Variants in KNTC1 observed in about 807,000 individuals in gnomAD.
KNTC1 encodes the protein kinetochore-associated protein 1.
In KNTC1, 253 loss-of-function variants were observed where a neutral mutation model predicts 314.4. The ratio of observed to expected loss-of-function variants is 0.80; its 90% CI spans 0.73 to 0.89. The LOEUF (loss-of-function observed/expected upper bound fraction) is 0.89. Among genes scored for constraint, KNTC1 ranks in the 40% least tolerant of loss-of-function variants. KNTC1 has a pLI of 0.00. For synonymous variants in KNTC1, 901 were observed against 901.4 expected, an observed-to-expected ratio of 1.00 and a Z score of 0.01; for missense variants, 2,475 against 2,572.9, an observed-to-expected ratio of 0.96 and a Z score of 0.82.
chr12:122,576,273 C>T (rs1965014197), intron 29 of KNTC1, among the ~76,000 whole-genome samples: 1 of 152,068 alleles, frequency 6.6e-6, no homozygotes, highest in Admixed American at 6.5e-5. Context: ...CCATGTTGGT[C>T]AGGCTGGTTG....
chr12:122,605,201 A>G (rs1872450644), intron 50 of KNTC1, 105 bp from the exon 51 acceptor site: 1 of 1,051,156 alleles, frequency 9.5e-7, no homozygotes, highest in East Asian at 2.6e-5. Context: ...ATATATGTAT[A>G]TACTTATATG....
chr12:122,547,976 G>A lies in KNTC1; in HGVS notation c.987+7G>A. On this transcript the variant is annotated splice_region_variant and intron_variant, in intron 12 of 63. Transcript: ENST00000333479. ...AGCTTCAGCTAATAAGAAGGTATTG[G>A]AAAATTTTATTTTGTGCTTGCCTAT... 6.5e-7 allele frequency: 1 copy of A among 1,529,556 alleles called. No individual in the cohort carries two copies. The highest frequency in any genetic ancestry group is 8.8e-7 in the Non-Finnish European group (1 of 1,138,086). The allele number at this position is 1,529,556 out of a possible 1,614,324, so 94.7% of individuals were successfully genotyped here.
At chr12:122,582,282 G>T (rs1868520972) in intron 33 of KNTC1, among the ~76,000 whole-genome samples, 1 of 152,148 alleles carries the variant, frequency 6.6e-6, no homozygotes, top group Non-Finnish European at 1.5e-5. Flanking sequence ...GCTGGGCGTG[G>T]TGATGCGTGC....
In KNTC1 at chr12:122,573,165, C is replaced by G; in HGVS notation, c.2163C>G (p.Phe721Leu). 4 of 1,613,788 alleles carry G rather than the reference C, an allele frequency of 2.5e-6. No individual in the cohort carries two copies. The highest frequency in any genetic ancestry group is 3.4e-6 in the Non-Finnish European group (4 of 1,179,846). Residue 721 changes from phenylalanine (F) to leucine (L), a missense_variant, in exon 26 of 64, where the codon TTC (phenylalanine) becomes TTG (leucine). Coordinates refer to ENST00000333479, the MANE Select transcript of KNTC1 (RefSeq NM_014708.6). Reference sequence around the variant, plus strand: ...AGGAAAATACAACCACCATAGTGTTCCGAATGTTTGATAAAGTGCTGGCCC... The same window carrying G: ...AGGAAAATACAACCACCATAGTGTTGCGAATGTTTGATAAAGTGCTGGCCC... ...FEKENTTTIV[F>L]RMFDKVLAPE...
intron 61 of KNTC1, 148 bp from the exon 62 acceptor site, chr12:122,622,314 C>T (rs772811861): frequency 1.9e-5 from 13 of 687,416 alleles, no homozygotes; most frequent in Non-Finnish European, 3.2e-5. Flanking sequence ...AAAAAGGAGG[C>T]GCAGTCACAA....
At chr12:122,550,344 C>T (rs1258275989) in intron 13 of KNTC1, among the ~76,000 whole-genome samples, 2 of 151,892 alleles carry the variant, frequency 1.3e-5, no homozygotes, top group Non-Finnish European at 2.9e-5. Context: ...TTCTACAATG[C>T]AATTATCATA....
intron 5 of KNTC1, 45 bp downstream of exon 5, chr12:122,539,799 T>C: frequency 7.8e-7 from 1 of 1,276,500 alleles, no homozygotes; most frequent in South Asian, 1.4e-5. Context: ...TTTTTTTTTT[T>C]TTAATGGAGT....
chr12:122,605,192 T>C, intron 50 of KNTC1, 105 bp downstream of exon 50: 1 of 1,046,334 alleles, frequency 9.6e-7, no homozygotes, highest in Non-Finnish European at 1.4e-6. Flanking sequence ...CATATGCTTA[T>C]ATATGTATAT....
intron 21 of KNTC1, 77 bp downstream of exon 21, chr12:122,568,449 C>T (rs905846951): frequency 1.2e-6 from 1 of 821,690 alleles, no homozygotes. Flanking sequence ...TGGAGACTAA[C>T]AAGGTGCAAG....
At chr12:122,557,836 A>C (rs1411769271) in intron 18 of KNTC1, 147 bp downstream of exon 18, 3 of 617,170 alleles carry the variant, frequency 4.9e-6, no homozygotes, top group Non-Finnish European at 8.5e-6. Context: ...TAATGGAGAT[A>C]ATTCACATCC....
In KNTC1 at chr12:122,546,241, G is replaced by A; in HGVS notation, c.735G>A (p.Lys245=). ...PDSSKKGMTV[K]NLIDAEIIKG... is the part of the protein sequence containing the mutation. Reference sequence around the variant, plus strand: ...CTTCCAAGAAAGGAATGACAGTTAAGAACCTTATTGATGCAGAGATTATTA... The same window carrying A: ...CTTCCAAGAAAGGAATGACAGTTAAAAACCTTATTGATGCAGAGATTATTA... The change falls in exon 9 of 64, where the codon AAG becomes AAA. Residue 245 remains lysine (K), a synonymous_variant. Coordinates refer to ENST00000333479, the MANE Select transcript of KNTC1 (RefSeq NM_014708.6). 1 of 1,594,486 alleles carries A rather than the reference G, an allele frequency of 6.3e-7. No homozygotes were observed. Among genetic ancestry groups the A allele is most frequent in the South Asian group, 1.1e-5 (1 of 90,520 alleles).
intron 63 of KNTC1, 69 bp downstream of exon 63, chr12:122,624,757 C>T (rs1273803650): frequency 2.8e-6 from 3 of 1,053,396 alleles, no homozygotes; most frequent in Non-Finnish European, 4.5e-6. Flanking sequence ...TTAAAATTGA[C>T]AAGCCTTTTC....
intron 6 of KNTC1, among the ~76,000 whole-genome samples, chr12:122,543,121 C>T (rs961951479): frequency 2.6e-5 from 4 of 152,112 alleles, no homozygotes; most frequent in Admixed American, 2.6e-4. Context: ...CCATGTTGGC[C>T]AGGCTGGTCT....
intron 18 of KNTC1, among the ~76,000 whole-genome samples, chr12:122,559,442 A>C (rs2137830781): frequency 6.6e-6 from 1 of 152,236 alleles, no homozygotes; most frequent in Non-Finnish European, 1.5e-5. Flanking sequence ...TATTTTATGG[A>C]TATACCACGT....
chr12:122,568,425 G>A, intron 21 of KNTC1, 53 bp downstream of exon 21: 1 of 976,440 alleles, frequency 1.0e-6, no homozygotes, highest in Non-Finnish European at 1.7e-6. Context: ...TGAGTTAGGT[G>A]ATTGAATCAA....
At chr12:122,560,379 GT>G (rs950946573) in intron 18 of KNTC1, among the ~76,000 whole-genome samples, 8 of 151,804 alleles carry the variant, frequency 5.3e-5, no homozygotes, top group Non-Finnish European at 1.0e-4. Context: ...TGCTAATTCT[GT>G]TTTTTTGAGA....
chr12:122,532,758 C>T (rs576005665), intron 2 of KNTC1, among the ~76,000 whole-genome samples: 2 of 152,248 alleles, frequency 1.3e-5, no homozygotes, highest in South Asian at 2.1e-4. Context: ...TAGGATCTTA[C>T]CTTAAAGTTA....
intron 12 of KNTC1, among the ~76,000 whole-genome samples, chr12:122,548,370 C>T (rs2137756755): frequency 2.0e-5 from 3 of 152,126 alleles, no homozygotes; most frequent in Middle Eastern, 3.4e-3. Flanking sequence ...CCGCCACACC[C>T]AGCTAATTTT....
At chr12:122,537,698 G>A (rs1410483144) in intron 3 of KNTC1, among the ~76,000 whole-genome samples, 2 of 152,032 alleles carry the variant, frequency 1.3e-5, no homozygotes, top group African/African-American at 4.8e-5. Flanking sequence ...GGTTACAGGT[G>A]TGAGCCACCA....
Sources: gnomAD v4.1 joint callset for allele counts (sites outside exome capture counted in the v4.1 genomes callset) on GRCh38, gnomAD v4.1.1 for gene constraint, MANE v1.5 for transcripts, NCBI Gene and HGNC (gene_info 2026-07-23, HGNC 2026-07-21) for gene names.